The following GLT1D1 variants were observed in gnomAD, a reference collection of about 807,000 sequenced individuals.
GLT1D1 encodes glycosyltransferase 1 domain-containing protein 1.
GLT1D1 carries 21 observed loss-of-function variants against 28.7 expected under a neutral mutation model. That is an observed-to-expected ratio of 0.73 (90% CI 0.52 to 1.05). The LOEUF (loss-of-function observed/expected upper bound fraction) is 1.05, where lower values mean the gene tolerates loss of function less well. Ranked by LOEUF, GLT1D1 falls within the 50% of genes least tolerant of loss-of-function variation. The pLI is 0.00. For missense variants in GLT1D1, 343 were observed against 330.6 expected, an observed-to-expected ratio of 1.04 and a Z score of -0.29; for synonymous variants, 147 against 124.8, an observed-to-expected ratio of 1.18 and a Z score of -1.19.
intron 7 of GLT1D1, among the ~76,000 whole-genome samples, chr12:128,970,583 G>T (rs1475031734): frequency 6.6e-6 from 1 of 152,256 alleles, no homozygotes; most frequent in Non-Finnish European, 1.5e-5. Context: ...TGCTGGCCTG[G>T]CTTCTGAGGC....
At chr12:128,908,832 C>T (rs998781299) in intron 4 of GLT1D1, among the ~76,000 whole-genome samples, 1 of 152,100 alleles carries the variant, frequency 6.6e-6, no homozygotes, top group Non-Finnish European at 1.5e-5. Context: ...GCCTGTAGTC[C>T]CAGCTACTCG....
intron 4 of GLT1D1, among the ~76,000 whole-genome samples, chr12:128,929,174 C>T (rs1462035810): frequency 2.0e-5 from 3 of 152,234 alleles, no homozygotes; most frequent in African/African-American, 4.8e-5. Flanking sequence ...CTTTCCCGCA[C>T]CTCAGTGTTG....
intron 2 of GLT1D1, among the ~76,000 whole-genome samples, chr12:128,887,297 G>T (rs534392201): frequency 2.0e-5 from 3 of 152,090 alleles, no homozygotes; most frequent in African/African-American, 7.2e-5. Context: ...CATTACAGGT[G>T]TGAGCCACCG....
chr12:128,926,989 C>T, intron 4 of GLT1D1, 116 bp from the exon 8 acceptor site: 1 of 624,036 alleles, frequency 1.6e-6, no homozygotes, highest in Non-Finnish European at 2.8e-6. Flanking sequence ...TGAATGAAAG[C>T]CAAATGATAT....
intron 7 of GLT1D1, among the ~76,000 whole-genome samples, chr12:128,978,778 A>G (rs1880038517): frequency 6.6e-6 from 1 of 152,056 alleles, no homozygotes; most frequent in Non-Finnish European, 1.5e-5. Flanking sequence ...GCCCATTTTT[A>G]TGGTATTTCT....
At chr12:128,979,740 G>A (rs943869317) in intron 7 of GLT1D1, among the ~76,000 whole-genome samples, 6 of 148,904 alleles carry the variant, frequency 4.0e-5, no homozygotes, top group African/African-American at 1.0e-4. Flanking sequence ...GTAACACTGC[G>A]AGACTCTGTC....
intron 1 of GLT1D1, among the ~76,000 whole-genome samples, chr12:128,874,600 G>C (rs898477025): frequency 6.7e-6 from 1 of 149,902 alleles, no homozygotes; most frequent in Non-Finnish European, 1.5e-5. Flanking sequence ...TCCCATCTCA[G>C]TCTCCCAAGT....
chr12:128,880,721 T>C (rs902556926), intron 2 of GLT1D1, among the ~76,000 whole-genome samples: 1 of 152,344 alleles, frequency 6.6e-6, no homozygotes, highest in African/African-American at 2.4e-5. Context: ...TTTAAAAATA[T>C]ATAGTTCTTA....
intron 4 of GLT1D1, among the ~76,000 whole-genome samples, chr12:128,922,920 C>T (rs1179413895): frequency 2.0e-5 from 1 of 50,266 alleles, no homozygotes; most frequent in Non-Finnish European, 3.9e-5. Flanking sequence ...GAGACTCCAT[C>T]TCAAAAAAAA....
chr12:128,912,314 T>A, intron 4 of GLT1D1, 110 bp from the exon 5 acceptor site: 1 of 625,058 alleles, frequency 1.6e-6, no homozygotes, highest in South Asian at 2.0e-5. Flanking sequence ...TTCTCAGTGA[T>A]GTTTTCCAGG....
intron 1 of GLT1D1, chr12:128,864,015 G>A (rs913346285): frequency 6.7e-6 from 3 of 449,022 alleles, no homozygotes; most frequent in African/African-American, 2.0e-5. Context: ...CGATGCTGTG[G>A]CAGCGGGGAG....
chr12:128,903,662 G>A (rs950628906), intron 4 of GLT1D1, among the ~76,000 whole-genome samples: 4 of 151,586 alleles, frequency 2.6e-5, no homozygotes, highest in Admixed American at 6.6e-5. Context: ...TCTCAGGCCC[G>A]GTGAATATCC....
At chr12:128,916,207 G>C (rs1872098089) in intron 4 of GLT1D1, among the ~76,000 whole-genome samples, 1 of 152,032 alleles carries the variant, frequency 6.6e-6, no homozygotes, top group African/African-American at 2.4e-5. Context: ...TTTTTTCTTA[G>C]TATTCTATTT....
intron 1 of GLT1D1, among the ~76,000 whole-genome samples, chr12:128,871,288 G>C (rs1404581748): frequency 2.0e-5 from 3 of 152,174 alleles, no homozygotes; most frequent in Non-Finnish European, 2.9e-5. Flanking sequence ...GAAGCGAGCT[G>C]ATAGCTTGAC....
At chr12:128,966,570 G>T (rs1482932042) in intron 7 of GLT1D1, among the ~76,000 whole-genome samples, 4 of 152,188 alleles carry the variant, frequency 2.6e-5, no homozygotes, top group African/African-American at 9.7e-5. Flanking sequence ...CTGTAAAATG[G>T]GGAAGTGAGG....
At chr12:128,865,409 T>G (rs1956487964) in intron 1 of GLT1D1, among the ~76,000 whole-genome samples, 2 of 152,230 alleles carry the variant, frequency 1.3e-5, no homozygotes, top group African/African-American at 4.8e-5. Flanking sequence ...GTGGAATGAT[T>G]ATATCACGGT....
chr12:128,908,402 CTCT>C (rs1871155092), intron 4 of GLT1D1, among the ~76,000 whole-genome samples: 1 of 145,718 alleles, frequency 6.9e-6, no homozygotes, highest in Admixed American at 7.0e-5. Context: ...CTCTCTCTCT[CTCT>C]TTCTTTCTTT....
intron 4 of GLT1D1, among the ~76,000 whole-genome samples, chr12:128,933,312 G>C (rs1005771212): frequency 7.2e-5 from 11 of 152,248 alleles, no homozygotes; most frequent in Non-Finnish European, 1.6e-4. Context: ...CGAGTCCCGC[G>C]CATTTCACAC....
At chr12:128,970,465 G>T (rs1040139573) in intron 7 of GLT1D1, among the ~76,000 whole-genome samples, 1 of 152,000 alleles carries the variant, frequency 6.6e-6, no homozygotes, top group Non-Finnish European at 1.5e-5. Flanking sequence ...CTTCCAGCCC[G>T]CCCACTCCCT....
Sources: gnomAD v4.1 joint callset for allele counts (sites outside exome capture counted in the v4.1 genomes callset) on GRCh38, gnomAD v4.1.1 for gene constraint, MANE v1.5 for transcripts, NCBI Gene and HGNC (gene_info 2026-07-23, HGNC 2026-07-21) for gene names.